Variants in DAB1 observed in about 807,000 individuals in gnomAD.
DAB1 encodes disabled homolog 1.
In DAB1, 15 loss-of-function variants were observed where a neutral mutation model predicts 64.6. The ratio of observed to expected loss-of-function variants is 0.23; its 90% CI spans 0.16 to 0.36. The LOEUF (loss-of-function observed/expected upper bound fraction) is 0.36, where lower values mean the gene tolerates loss of function less well. DAB1 is among the 10% of genes least tolerant of loss of function. DAB1 has a pLI of 1.00. For synonymous variants in DAB1, 235 were observed against 251.9 expected (o/e 0.93, Z 0.64); for missense variants, 596 against 706.7 (o/e 0.84, Z 1.78).
chr1:57,955,268 T>C lies in DAB1; in HGVS notation n.388-71106A>G, dbSNP rs542145142. Among the ~76,000 whole-genome samples, 5 of 152,266 alleles carry C rather than the reference T, an allele frequency of 3.3e-5. No individual in the cohort carries two copies. In the South Asian group the frequency reaches 1.0e-3, roughly 32 times the overall value. On this transcript the variant is annotated intron_variant and non_coding_transcript_variant, in intron 5 of 20. Coordinates refer to the DAB1 transcript ENST00000485760. ...CCCTCCTGATTAAACCTCTCTTTCT[T>C]CACCTCAACCATCTCATAAACTTCC... is the stretch of plus-strand genomic sequence containing the variant.
chr1:57,027,885 G>A (rs541027387), intron 9 of DAB1, among the ~76,000 whole-genome samples: 426 of 152,240 alleles, frequency 2.8e-3, no homozygotes, highest in Non-Finnish European at 5.1e-3. Context: ...TTTCATAAAT[G>A]TTCAACAACT....
chr1:58,085,222 T>C (rs116507002), intron 5 of DAB1, among the ~76,000 whole-genome samples: 3 of 152,168 alleles, frequency 2.0e-5, no homozygotes, highest in Admixed American at 2.0e-4. Context: ...TTGTGGGATC[T>C]TGTCCTAGGA....
At chr1:57,908,208 T>G (rs1644586558) in intron 5 of DAB1, among the ~76,000 whole-genome samples, 1 of 151,964 alleles carries the variant, frequency 6.6e-6, no homozygotes, top group Non-Finnish European at 1.5e-5. Flanking sequence ...AGGGCCCAGG[T>G]CCCCAGAAGT....
At chr1:57,216,715 T>A (rs1189169801) in intron 2 of DAB1, among the ~76,000 whole-genome samples, 1 of 152,246 alleles carries the variant, frequency 6.6e-6, no homozygotes, top group Non-Finnish European at 1.5e-5. Flanking sequence ...TATGCCACTT[T>A]GTAGTTGAAA....
chr1:57,613,755 C>T (rs1645755971), intron 7 of DAB1, among the ~76,000 whole-genome samples: 1 of 152,136 alleles, frequency 6.6e-6, no homozygotes, highest in Non-Finnish European at 1.5e-5. Context: ...CGAGGGCTGA[C>T]AGAGATGTGG....
At chr1:58,116,753 T>C (rs1284662275) in intron 5 of DAB1, among the ~76,000 whole-genome samples, 1 of 152,214 alleles carries the variant, frequency 6.6e-6, no homozygotes, top group African/African-American at 2.4e-5. Context: ...AATTCAGTTC[T>C]TTAATTCTGA....
At chr1:57,088,011 G>A (rs1430729625) in intron 4 of DAB1, among the ~76,000 whole-genome samples, 7 of 152,198 alleles carry the variant, frequency 4.6e-5, no homozygotes, top group African/African-American at 7.2e-5. Context: ...CCTCTTCTTC[G>A]CTAGGCCTCA....
At chr1:57,456,903 A>C (rs1317750973) in intron 7 of DAB1, among the ~76,000 whole-genome samples, 1 of 152,170 alleles carries the variant, frequency 6.6e-6, no homozygotes, top group Non-Finnish European at 1.5e-5. Flanking sequence ...AGTAGAACTC[A>C]GAATGCCATT....
At chr1:58,490,433 G>A (rs1645661085) in intron 3 of DAB1, among the ~76,000 whole-genome samples, 1 of 152,178 alleles carries the variant, frequency 6.6e-6, no homozygotes, top group African/African-American at 2.4e-5. Context: ...CAAGAAATAT[G>A]GGACTATGTG....
intron 5 of DAB1, among the ~76,000 whole-genome samples, chr1:58,124,414 C>A (rs961923938): frequency 6.6e-6 from 1 of 152,020 alleles, no homozygotes; most frequent in South Asian, 2.1e-4. Context: ...TGGCGGCTAC[C>A]CTGGGCTGTA....
intron 3 of DAB1, among the ~76,000 whole-genome samples, chr1:58,475,798 CAAAT>C (rs1431457283): frequency 2.6e-5 from 4 of 152,096 alleles, no homozygotes; most frequent in South Asian, 2.1e-4. Context: ...CCTATTTTCC[CAAAT>C]AAATAAATGA....
At chr1:57,059,052 G>A (rs899165476) in intron 9 of DAB1, among the ~76,000 whole-genome samples, 2 of 152,150 alleles carry the variant, frequency 1.3e-5, no homozygotes, top group African/African-American at 4.8e-5. Flanking sequence ...GAGAGGGTGT[G>A]TAATCCCCTA....
At chr1:57,238,967 T>G (rs1178428500) in intron 2 of DAB1, among the ~76,000 whole-genome samples, 1 of 152,036 alleles carries the variant, frequency 6.6e-6, no homozygotes, top group Non-Finnish European at 1.5e-5. Context: ...CAATAAGATT[T>G]TTTTTCTGTA....
intron 6 of DAB1, among the ~76,000 whole-genome samples, chr1:57,659,536 C>G (rs956199894): frequency 4.6e-5 from 7 of 152,140 alleles, no homozygotes; most frequent in Admixed American, 2.0e-4. Flanking sequence ...TCTACTCTGT[C>G]ATTACTTGCT....
chr1:58,264,084 G>C (rs757318338), intron 4 of DAB1, among the ~76,000 whole-genome samples: 16 of 152,312 alleles, frequency 1.1e-4, no homozygotes, highest in Non-Finnish European at 1.9e-4. Flanking sequence ...GGATGAAAAT[G>C]TACTCCTTGT....
At chr1:57,600,570 G>T (rs188967588) in intron 7 of DAB1, among the ~76,000 whole-genome samples, 176 of 152,242 alleles carry the variant, frequency 1.2e-3, no homozygotes, top group African/African-American at 3.9e-3. Flanking sequence ...TTAGAGCCCT[G>T]GGGGGTCGGG....
At chr1:57,094,202 C>T (rs1653953696) in intron 4 of DAB1, among the ~76,000 whole-genome samples, 1 of 151,568 alleles carries the variant, frequency 6.6e-6, no homozygotes, top group African/African-American at 2.4e-5. Flanking sequence ...GTTTCTCTCA[C>T]TTTTTCATGA....
At chr1:57,549,014 T>C (rs1287483835) in intron 7 of DAB1, among the ~76,000 whole-genome samples, 1 of 152,212 alleles carries the variant, frequency 6.6e-6, no homozygotes, top group Non-Finnish European at 1.5e-5. Context: ...CCAGAGCCTA[T>C]ACTCTAGTCC....
intron 5 of DAB1, among the ~76,000 whole-genome samples, chr1:58,054,893 C>T (rs1647960265): frequency 2.0e-5 from 3 of 152,180 alleles, no homozygotes; most frequent in Admixed American, 1.3e-4. Context: ...AGATGACAAC[C>T]CGCTGTCAAG....
Sources: allele counts gnomAD v4.1 joint callset (sites outside exome capture counted in the v4.1 genomes callset), GRCh38; gene constraint gnomAD v4.1.1; transcripts MANE v1.5; gene names NCBI Gene and HGNC (gene_info 2026-07-23, HGNC 2026-07-21).